Variants in SAP130 observed in about 807,000 individuals in gnomAD.
The protein encoded by SAP130 is histone deacetylase complex subunit SAP130.
Under a neutral mutation model 103.2 loss-of-function variants are expected in SAP130, and 16 were observed. The ratio of observed to expected loss-of-function variants is 0.16; its 90% CI spans 0.10 to 0.24. The LOEUF is 0.24. Among genes scored for constraint, SAP130 ranks in the 10% least tolerant of loss-of-function variants. The probability of loss-of-function intolerance (pLI) is 1.00; values close to 1 mark genes in which losing one functional copy is unlikely to be tolerated. For missense variants in SAP130, 990 were observed against 1,359.7 expected (o/e 0.73, Z 4.28); for synonymous variants, 477 against 497.0 (o/e 0.96, Z 0.53).
At chr2:128,007,358 G>A (rs1318882761) in intron 7 of SAP130, among the ~76,000 whole-genome samples, 3 of 152,198 alleles carry the variant, frequency 2.0e-5, no homozygotes, top group African/African-American at 7.2e-5. Context: ...ATGGGAGGAG[G>A]TGCGTAGGTT....
chr2:127,954,800 T>C (rs1372893195), intron 16 of SAP130, among the ~76,000 whole-genome samples, 186 bp downstream of exon 16: 4 of 152,240 alleles, frequency 2.6e-5, no homozygotes, highest in African/African-American at 9.6e-5. Context: ...GGAAGCAAAG[T>C]AGTTTTACTT....
At chr2:128,004,118 T>C (rs1683790642) in intron 7 of SAP130, among the ~76,000 whole-genome samples, 1 of 151,990 alleles carries the variant, frequency 6.6e-6, no homozygotes, top group Non-Finnish European at 1.5e-5. Flanking sequence ...GGTCCTTGTA[T>C]GACTAGCTTA....
At chr2:128,015,876 C>T (rs548905794) in intron 4 of SAP130, among the ~76,000 whole-genome samples, 57 of 148,276 alleles carry the variant, frequency 3.8e-4, no homozygotes, top group African/African-American at 1.3e-3. Context: ...GGGACGTGGA[C>T]GTTGCTGTGA....
intron 15 of SAP130, among the ~76,000 whole-genome samples, chr2:127,970,900 G>A (rs1681037721): frequency 1.3e-5 from 2 of 151,902 alleles, no homozygotes; most frequent in South Asian, 4.1e-4. Context: ...TATGACGCAT[G>A]CTTGGTCTTA....
intron 2 of SAP130, among the ~76,000 whole-genome samples, chr2:128,018,958 C>T (rs1478785628): frequency 2.6e-5 from 4 of 151,644 alleles, no homozygotes; most frequent in East Asian, 3.9e-4. Flanking sequence ...ATTAGCCGGG[C>T]GTGGTGGTAC....
intron 16 of SAP130, 30 bp downstream of exon 16, chr2:127,954,956 C>T (rs764658393): frequency 1.3e-6 from 2 of 1,499,270 alleles, no homozygotes; most frequent in South Asian, 1.2e-5. Flanking sequence ...AGGCAATTGC[C>T]AATGGAGAGT....
intron 15 of SAP130, among the ~76,000 whole-genome samples, chr2:127,968,024 CCT>C (rs1478387585): frequency 1.3e-5 from 2 of 152,080 alleles, no homozygotes; most frequent in African/African-American, 4.8e-5. Flanking sequence ...AGACTTCTTC[CCT>C]GAGTCAGGTA....
chr2:127,991,348 T>G (rs1485875972), intron 12 of SAP130, among the ~76,000 whole-genome samples: 1 of 152,166 alleles, frequency 6.6e-6, no homozygotes, highest in Admixed American at 6.6e-5. Context: ...AATAAACATT[T>G]TTTTTGGGAC....
At position 127,942,543 on chromosome 2, in the gene SAP130, A is replaced by G. The variant is rs1559022744; in HGVS notation, c.2902-6T>C. On this transcript the variant is annotated splice_region_variant and splice_polypyrimidine_tract_variant and intron_variant, in intron 19 of 20. Coordinates refer to ENST00000643581, the MANE Select transcript of SAP130 (RefSeq NM_001330301.2). The surrounding 1 kb of genome is among the most constrained non-coding windows in gnomAD (Gnocchi z 4.8). ...ACATCATGTTCTAGATTCGTCTGCA[A>G]CACACAAAAGGGAGGGTATCATAAG... The G allele has an allele frequency of 1.3e-6, 2 of 1,545,700 alleles. No homozygotes were observed. The highest frequency in any genetic ancestry group is 8.9e-7 in the Non-Finnish European group (1 of 1,117,684).
intron 6 of SAP130, among the ~76,000 whole-genome samples, chr2:128,010,643 T>C (rs1237806394): frequency 6.6e-6 from 1 of 152,042 alleles, no homozygotes; most frequent in Non-Finnish European, 1.5e-5. Context: ...GCAGATCAAC[T>C]GAGATCAGGA....
chr2:127,985,910 C>T (rs1425120870), intron 14 of SAP130, among the ~76,000 whole-genome samples: 1 of 151,938 alleles, frequency 6.6e-6, no homozygotes, highest in Non-Finnish European at 1.5e-5. Context: ...GGGAGCATGC[C>T]GGTGGAAGAG....
chr2:127,993,312 G>C lies in SAP130; in HGVS notation c.1356-4C>G. On this transcript the variant is annotated splice_polypyrimidine_tract_variant and splice_region_variant and intron_variant, in intron 11 of 20. Coordinates refer to ENST00000643581, the MANE Select transcript of SAP130 (RefSeq NM_001330301.2). Reference sequence around the variant, plus strand: ...GAACTGAACGGGAACAGACGGTCTAGAGACAGAACAGATGATAGCAAACAA... The same window carrying C: ...GAACTGAACGGGAACAGACGGTCTACAGACAGAACAGATGATAGCAAACAA... 1.2e-6 allele frequency: 2 copies of C among 1,608,532 alleles called. No individual in the cohort carries two copies. The highest frequency in any genetic ancestry group is 1.7e-6 in the Non-Finnish European group (2 of 1,178,280).
intron 2 of SAP130, among the ~76,000 whole-genome samples, chr2:128,019,229 G>A (rs1351001297): frequency 2.6e-5 from 4 of 152,098 alleles, no homozygotes; most frequent in Admixed American, 2.0e-4. Flanking sequence ...TGGTGTTTTG[G>A]TCTACCAGAA....
At chr2:127,960,890 C>T (rs890273933) in intron 15 of SAP130, among the ~76,000 whole-genome samples, 20 of 152,120 alleles carry the variant, frequency 1.3e-4, no homozygotes, top group Non-Finnish European at 2.5e-4. Flanking sequence ...GGTTTTAAAA[C>T]CTTGTTTCTC....
chr2:128,017,036 T>C (rs1383864584), intron 3 of SAP130, among the ~76,000 whole-genome samples: 1 of 152,246 alleles, frequency 6.6e-6, no homozygotes, highest in Non-Finnish European at 1.5e-5. Context: ...ATAACATTAC[T>C]GTCAGCTGGG....
At position 127,996,526 on chromosome 2, in the gene SAP130, T is replaced by C. The variant is rs753087931; in HGVS notation, c.1214-35A>G. ...GTAAATGCCAATTCCATGACCATTC[T>C]ACACTTTTTTTTGGCATGCCAAAAC... On this transcript the variant is annotated intron_variant, in intron 10 of 20. Coordinates refer to ENST00000643581, the MANE Select transcript of SAP130 (RefSeq NM_001330301.2). This position sits in a 1 kb window ranked among gnomAD's most constrained non-coding sequence, Gnocchi z 4.3. 1 of 1,425,624 alleles carries C rather than the reference T, an allele frequency of 7.0e-7. No homozygotes were observed. The highest frequency in any genetic ancestry group is 9.3e-7 in the Non-Finnish European group (1 of 1,075,410). The allele number at this position is 1,425,624 out of a possible 1,614,324, so 88.3% of individuals were successfully genotyped here.
At chr2:127,945,006 G>A (rs1319129050) in intron 19 of SAP130, among the ~76,000 whole-genome samples, 1 of 151,956 alleles carries the variant, frequency 6.6e-6, no homozygotes, top group African/African-American at 2.4e-5. Context: ...ATTGGAAATT[G>A]GAATACTGGA....
chr2:127,984,178 C>T (rs549198707), intron 14 of SAP130, among the ~76,000 whole-genome samples: 56 of 152,176 alleles, frequency 3.7e-4, no homozygotes, highest in African/African-American at 1.0e-3. Context: ...TCAATTTCTG[C>T]TATCTTATTT....
At chr2:128,021,703 T>C (rs749400622) in intron 2 of SAP130, among the ~76,000 whole-genome samples, 87 of 152,312 alleles carry the variant, frequency 5.7e-4, no homozygotes, top group Admixed American at 1.1e-3. Context: ...ATGTTTAACT[T>C]TGCCGAAGTC....
Sources: allele counts gnomAD v4.1 joint callset (sites outside exome capture counted in the v4.1 genomes callset), GRCh38; gene constraint gnomAD v4.1.1; non-coding constraint Gnocchi (gnomAD v3.1); transcripts MANE v1.5; gene names NCBI Gene and HGNC (gene_info 2026-07-23, HGNC 2026-07-21).